PCSK2: variants seen among roughly 807,000 people sequenced by gnomAD.
The protein encoded by PCSK2 is proprotein convertase subtilisin/kexin type 2, also known as neuroendocrine convertase 2.
Under a neutral mutation model 69.7 loss-of-function variants are expected in PCSK2, and 14 were observed. The ratio of observed to expected loss-of-function variants is 0.20; its 90% CI spans 0.13 to 0.31. The LOEUF is 0.31. Ranked by LOEUF, PCSK2 falls within the 10% of genes least tolerant of loss-of-function variation. PCSK2 has a pLI of 1.00. For missense variants in PCSK2, 544 were observed against 842.5 expected (o/e 0.65, Z 4.39); for synonymous variants, 307 against 320.7 (o/e 0.96, Z 0.46).
chr20:17,281,856 A>C (rs924851294), intron 2 of PCSK2, among the ~76,000 whole-genome samples: 1 of 152,156 alleles, frequency 6.6e-6, no homozygotes, highest in Non-Finnish European at 1.5e-5. Flanking sequence ...TACTGGTCCC[A>C]CCTATGGATA....
chr20:17,470,840 T>C (rs2033186676), intron 11 of PCSK2, among the ~76,000 whole-genome samples: 1 of 152,176 alleles, frequency 6.6e-6, no homozygotes, highest in Non-Finnish European at 1.5e-5. Flanking sequence ...TTACAGACAC[T>C]CTGCAAGCAG....
chr20:17,428,466 G>T (rs948685923), intron 6 of PCSK2, among the ~76,000 whole-genome samples: 1 of 152,104 alleles, frequency 6.6e-6, no homozygotes, highest in Non-Finnish European at 1.5e-5. Context: ...GGGCTGGTGC[G>T]ATAGCTTTGC....
intron 1 of PCSK2, among the ~76,000 whole-genome samples, chr20:17,233,318 T>C (rs577836657): frequency 6.6e-6 from 1 of 152,160 alleles, no homozygotes; most frequent in East Asian, 1.9e-4. Context: ...CAGCACTGAG[T>C]GCATAGGATA....
chr20:17,398,523 CAAAAA>C (rs36062712), intron 5 of PCSK2, among the ~76,000 whole-genome samples: 1 of 85,212 alleles, frequency 1.2e-5, no homozygotes, highest in Non-Finnish European at 2.2e-5. Flanking sequence ...GATCCTGTCT[CAAAAA>C]AAAAAAAAAA....
At chr20:17,470,914 A>G (rs1392873842) in intron 11 of PCSK2, among the ~76,000 whole-genome samples, 2 of 152,226 alleles carry the variant, frequency 1.3e-5, no homozygotes, top group Non-Finnish European at 2.9e-5. Context: ...ACTTACTTGC[A>G]TATAAGCAAT....
chr20:17,247,576 A>G (rs992865877), intron 1 of PCSK2, among the ~76,000 whole-genome samples: 1 of 152,246 alleles, frequency 6.6e-6, no homozygotes, highest in Non-Finnish European at 1.5e-5. Context: ...AAGCAGCCAA[A>G]GGAAAAGTGA....
rs145000904 is a variant in PCSK2, at chr20:17,371,241, C to T, written c.543+1964C>T. 2.6e-4 allele frequency among the ~76,000 whole-genome samples: 39 copies of T among 152,308 alleles called. No homozygotes were observed. The East Asian group carries it at 7.3e-3, about 29-fold the overall frequency. ...CTCTGCATCCTTCCCTTCTCCCTGCCTAGCCCAGGCAGTTCCTGTCAGGCT... is the reference window on the plus strand; with the variant it reads ...CTCTGCATCCTTCCCTTCTCCCTGCTTAGCCCAGGCAGTTCCTGTCAGGCT... On this transcript the variant is annotated intron_variant, in intron 5 of 11. Transcript: ENST00000262545.
chr20:17,323,330 A>G (rs1447588398), intron 2 of PCSK2, among the ~76,000 whole-genome samples: 4 of 152,212 alleles, frequency 2.6e-5, no homozygotes, highest in African/African-American at 9.6e-5. Flanking sequence ...GAAGACAGCC[A>G]TCTGCAAGCC....
chr20:17,326,799 G>C (rs550377779), intron 2 of PCSK2, among the ~76,000 whole-genome samples: 53 of 152,276 alleles, frequency 3.5e-4, no homozygotes, highest in Admixed American at 8.5e-4. Flanking sequence ...TGAGACAAAG[G>C]ATTTATTTGT....
intron 5 of PCSK2, among the ~76,000 whole-genome samples, chr20:17,375,841 G>A (rs1489852218): frequency 6.6e-6 from 1 of 152,158 alleles, no homozygotes; most frequent in African/African-American, 2.4e-5. Flanking sequence ...AGTTTGCATT[G>A]ACTCAACTCC....
Position 17,232,832 on chromosome 20 carries a change from C to T in PCSK2, c.177+5350C>T, listed in dbSNP as rs377478096. 1.1e-4 allele frequency among the ~76,000 whole-genome samples: 17 copies of T among 152,102 alleles called. No individual in the cohort carries two copies. In the East Asian group the frequency reaches 2.1e-3, roughly 19 times the overall value. On this transcript the variant is annotated intron_variant, in intron 1 of 11. Coordinates refer to ENST00000262545, the MANE Select transcript of PCSK2 (RefSeq NM_002594.5). ...CATATAGATTTGATCATAAGCATTC[C>T]CTGAAAGATTTCAATCTAAGAAGAC...
intron 11 of PCSK2, among the ~76,000 whole-genome samples, chr20:17,473,936 T>C (rs1275753412): frequency 6.6e-6 from 1 of 152,148 alleles, no homozygotes; most frequent in Non-Finnish European, 1.5e-5. Context: ...TCGGGGCGTT[T>C]TTCTAGCTGG....
In PCSK2 at chr20:17,453,131, GCA is replaced by G. The variant is rs1418641059; in HGVS notation, c.886-603_886-602del. 6.6e-6 allele frequency among the ~76,000 whole-genome samples: 1 copy of G among 152,072 alleles called. No individual in the cohort carries two copies. The highest frequency in any genetic ancestry group is 1.5e-5 in the Non-Finnish European group (1 of 68,002). ...TGAATAAAAAAGAATATATACATAT[GCA>G]CACACACGTAAGATTTTTATATATC... On this transcript the variant is annotated intron_variant, in intron 8 of 11. Transcript: ENST00000262545. The surrounding 1 kb of genome is among the most constrained non-coding windows in gnomAD (Gnocchi z 4.0).
At chr20:17,326,956 C>A (rs566868546) in intron 2 of PCSK2, among the ~76,000 whole-genome samples, 1 of 152,170 alleles carries the variant, frequency 6.6e-6, no homozygotes, top group Non-Finnish European at 1.5e-5. Flanking sequence ...CTCCTTCCAG[C>A]CTCACTCCAC....
chr20:17,228,585 C>T (rs1046090813), intron 1 of PCSK2, among the ~76,000 whole-genome samples: 16 of 152,024 alleles, frequency 1.1e-4, no homozygotes, highest in African/African-American at 3.6e-4. Context: ...CCATCTCGCT[C>T]CTGATCCCAG....
intron 1 of PCSK2, among the ~76,000 whole-genome samples, chr20:17,248,178 GTGTGT>G (rs879538000): frequency 0.062 from 2,671 of 43,336 alleles, 44 homozygotes; most frequent in Non-Finnish European, 0.091. Context: ...AAAAAAGGGT[GTGTGT>G]GTGTGTGTGT....
Position 17,227,465 on chromosome 20 carries a change from G to T in PCSK2, c.160G>T (p.Gly54Cys), listed in dbSNP as rs757751194. ...DKARQVAAEH[G>C]FGVRKLPFAE... ...AGCTCGCCAAGTTGCAGCAGAACACGGCTTTGGAGTCCGAAAGGTAAGCTC... is the reference window on the plus strand; with the variant it reads ...AGCTCGCCAAGTTGCAGCAGAACACTGCTTTGGAGTCCGAAAGGTAAGCTC... The change falls in exon 1 of 12, where the codon GGC becomes TGC. Residue 54 changes from glycine to cysteine, a missense_variant. Coordinates refer to ENST00000262545, the MANE Select transcript of PCSK2 (RefSeq NM_002594.5). The T allele has an allele frequency of 3.1e-6, 5 of 1,613,962 alleles. No individual in the cohort carries two copies. Among genetic ancestry groups the T allele is most frequent in the Non-Finnish European group, 3.4e-6 (4 of 1,179,914 alleles).
chr20:17,362,415 GC>G, intron 4 of PCSK2, among the ~76,000 whole-genome samples: 1 of 152,318 alleles, frequency 6.6e-6, no homozygotes, highest in Non-Finnish European at 1.5e-5. Flanking sequence ...TCTGTGGGTT[GC>G]TGGAGTTCAT....
chr20:17,277,449 A>G (rs563832423), intron 2 of PCSK2, among the ~76,000 whole-genome samples: 2 of 152,360 alleles, frequency 1.3e-5, no homozygotes, highest in African/African-American at 4.8e-5. Flanking sequence ...GACAAACCTG[A>G]CAAAAACAAG....
Sources: gnomAD v4.1 joint callset for allele counts (sites outside exome capture counted in the v4.1 genomes callset) on GRCh38, gnomAD v4.1.1 for gene constraint, Gnocchi (gnomAD v3.1) non-coding constraint, MANE v1.5 for transcripts, NCBI Gene and HGNC (gene_info 2026-07-23, HGNC 2026-07-21) for gene names.